Variants in MAPRE2 observed in about 807,000 individuals in gnomAD.
MAPRE2 encodes microtubule-associated protein RP/EB family member 2.
Under a neutral mutation model 43.2 loss-of-function variants are expected in MAPRE2, and 13 were observed. That is an observed-to-expected ratio of 0.30 (90% CI 0.20 to 0.48). The LOEUF is 0.48. Ranked by LOEUF, MAPRE2 falls within the 20% of genes least tolerant of loss-of-function variation. The pLI, the probability that MAPRE2 is intolerant of heterozygous loss-of-function variation, is 0.99. For missense variants in MAPRE2, 161 were observed against 400.2 expected, an observed-to-expected ratio of 0.40 and a Z score of 5.10; for synonymous variants, 135 against 148.8, an observed-to-expected ratio of 0.91 and a Z score of 0.68.
intron 1 of MAPRE2, among the ~76,000 whole-genome samples, chr18:35,053,961 A>T (rs1337348444): frequency 6.6e-6 from 1 of 152,202 alleles, no homozygotes; most frequent in Non-Finnish European, 1.5e-5. Flanking sequence ...AACTAAGTAA[A>T]TGAAAAGAGG....
At position 35,102,753 on chromosome 18, in the gene MAPRE2, C is replaced by A. The variant is rs115132052; in HGVS notation, c.610+594C>A. ...CTTCTGTGGATAAAAAAAGAAAAAACCACTTTCTAAAATATATTATAAACA... is the reference window on the plus strand; with the variant it reads ...CTTCTGTGGATAAAAAAAGAAAAAAACACTTTCTAAAATATATTATAAACA... On this transcript the variant is annotated intron_variant, in intron 4 of 6. Transcript: ENST00000300249. Among the ~76,000 whole-genome samples the A allele has an allele frequency of 9.6e-3, 1,463 of 152,232 alleles. 25 individuals carry two copies. The highest frequency in any genetic ancestry group is 0.034 in the African/African-American group (1,392 of 41,546).
intron 1 of MAPRE2, among the ~76,000 whole-genome samples, chr18:34,977,608 C>G (rs552191239): frequency 2.0e-5 from 3 of 152,206 alleles, no homozygotes; most frequent in Admixed American, 6.5e-5. Flanking sequence ...TTGGGAGCAT[C>G]CCCTGGACCC....
At chr18:35,049,050 T>A (rs1905800662) in intron 1 of MAPRE2, among the ~76,000 whole-genome samples, 1 of 152,200 alleles carries the variant, frequency 6.6e-6, no homozygotes, top group Non-Finnish European at 1.5e-5. Context: ...ATACTTGTTT[T>A]TGTTTTGTTT....
intron 4 of MAPRE2, among the ~76,000 whole-genome samples, chr18:35,112,934 A>G (rs907315113): frequency 1.3e-5 from 2 of 152,230 alleles, no homozygotes; most frequent in South Asian, 2.1e-4. Context: ...CCTGGTCCAC[A>G]TACATGGTGC....
chr18:35,052,453 T>A (rs1475754124), intron 1 of MAPRE2, among the ~76,000 whole-genome samples: 2 of 152,222 alleles, frequency 1.3e-5, no homozygotes, highest in African/African-American at 4.8e-5. Context: ...CCATATTTTG[T>A]TTATCTGCTC....
At chr18:35,073,763 A>G (rs918378366) in intron 2 of MAPRE2, among the ~76,000 whole-genome samples, 1 of 152,196 alleles carries the variant, frequency 6.6e-6, no homozygotes, top group African/African-American at 2.4e-5. Context: ...ATTGCCTCAC[A>G]TTGGTGTTGT....
chr18:35,087,659 T>C (rs141454890), intron 2 of MAPRE2, among the ~76,000 whole-genome samples: 125 of 152,310 alleles, frequency 8.2e-4, no homozygotes, highest in Middle Eastern at 6.8e-3. Context: ...CAGATATTTA[T>C]TGAAACCCAC....
intron 4 of MAPRE2, among the ~76,000 whole-genome samples, chr18:35,114,921 G>A (rs1056841893): frequency 2.0e-5 from 3 of 152,074 alleles, no homozygotes; most frequent in African/African-American, 7.3e-5. Context: ...TGTAAACCTC[G>A]CCAGGCCACA....
chr18:35,033,591 C>A (rs2097048914), intron 2 of MAPRE2, among the ~76,000 whole-genome samples: 1 of 151,540 alleles, frequency 6.6e-6, no homozygotes, highest in South Asian at 2.1e-4. Context: ...TTGCAGATGA[C>A]ATGATTGTAT....
intron 4 of MAPRE2, among the ~76,000 whole-genome samples, chr18:35,106,701 G>A (rs1603401694): frequency 6.6e-6 from 1 of 152,072 alleles, no homozygotes; most frequent in South Asian, 2.1e-4. Context: ...TGGCTTCTCT[G>A]TGTGTCGTTG....
intron 5 of MAPRE2, chr18:35,131,817 C>G: frequency 1.8e-6 from 1 of 541,772 alleles, no homozygotes; most frequent in Non-Finnish European, 3.3e-6. Flanking sequence ...GCTCAGTTGC[C>G]TGAAGGGAAT....
intron 2 of MAPRE2, among the ~76,000 whole-genome samples, chr18:35,015,255 A>G (rs1023040311): frequency 6.6e-6 from 1 of 152,128 alleles, no homozygotes; most frequent in African/African-American, 2.4e-5. Flanking sequence ...ACCTGTAAAC[A>G]GTCCACCAAG....
chr18:35,024,840 G>C (rs553269634), intron 2 of MAPRE2, among the ~76,000 whole-genome samples: 1 of 152,180 alleles, frequency 6.6e-6, no homozygotes, highest in African/African-American at 2.4e-5. Context: ...TCTTTAATTC[G>C]TTGCTGCTTG....
chr18:35,002,783 G>C lies in MAPRE2; in HGVS notation c.-69-2709G>C, dbSNP rs536710020. ...GTTGGTTTATTTGGTTGCATTTTGA[G>C]AATTCTTTATTTTAGACACTAGTTC... On this transcript the variant is annotated intron_variant, in intron 1 of 7. Transcript: ENST00000413393. Among the ~76,000 whole-genome samples, 12 of 152,180 alleles carry C rather than the reference G, an allele frequency of 7.9e-5. No individual in the cohort carries two copies. In the East Asian group the frequency reaches 2.3e-3, roughly 29 times the overall value.
chr18:35,048,143 G>A (rs550149644), intron 1 of MAPRE2, among the ~76,000 whole-genome samples: 10 of 152,312 alleles, frequency 6.6e-5, no homozygotes, highest in Admixed American at 2.6e-4. Context: ...GGTGGAAGGC[G>A]AAGCGGGAGC....
chr18:35,131,460 T>A (rs936884075), intron 5 of MAPRE2, among the ~76,000 whole-genome samples: 1 of 152,182 alleles, frequency 6.6e-6, no homozygotes, highest in Non-Finnish European at 1.5e-5. Flanking sequence ...GCCAGTAGAT[T>A]CAGCGTCTGC....
intron 6 of MAPRE2, 49 bp from the exon 7 acceptor site, chr18:35,140,246 C>T (rs770730645): frequency 1.1e-5 from 16 of 1,520,950 alleles, no homozygotes; most frequent in Non-Finnish European, 1.4e-5. Context: ...TGCTGCAGGG[C>T]CCCATTCCCA....
intron 2 of MAPRE2, among the ~76,000 whole-genome samples, chr18:35,096,754 A>G (rs1226685435): frequency 6.6e-6 from 1 of 152,024 alleles, no homozygotes; most frequent in Admixed American, 6.6e-5. Context: ...AGTATAAGTA[A>G]TAGGTAATAA....
intron 4 of MAPRE2, among the ~76,000 whole-genome samples, chr18:35,118,111 GGA>G (rs1291168879): frequency 6.6e-6 from 1 of 152,116 alleles, no homozygotes; most frequent in East Asian, 1.9e-4. Flanking sequence ...GACATGCTCA[GGA>G]GAGTCAGGCC....
Sources: gnomAD v4.1 joint callset for allele counts (sites outside exome capture counted in the v4.1 genomes callset) on GRCh38, gnomAD v4.1.1 for gene constraint, MANE v1.5 for transcripts, NCBI Gene and HGNC (gene_info 2026-07-23, HGNC 2026-07-21) for gene names.